TASP1: variants seen among roughly 807,000 people sequenced by gnomAD.
TASP1 encodes the protein threonine aspartase 1.
TASP1 carries 16 observed loss-of-function variants against 56.6 expected under a neutral mutation model. The observed-to-expected ratio is 0.28, with a 90% CI of 0.19 to 0.43. The LOEUF (loss-of-function observed/expected upper bound fraction) is 0.43, where lower values mean the gene tolerates loss of function less well. Among genes scored for constraint, TASP1 ranks in the 20% least tolerant of loss-of-function variants. The pLI is 1.00. For synonymous variants in TASP1, 179 were observed against 184.2 expected (o/e 0.97, Z 0.23); for missense variants, 393 against 511.6 (o/e 0.77, Z 2.24).
chr20:13,311,090 A>C, the TASP1 span, among the ~76,000 whole-genome samples: 4 of 152,118 alleles, frequency 2.6e-5, no homozygotes, highest in Non-Finnish European at 5.9e-5. Flanking sequence ...GCTACTCTGG[A>C]GGCTGAGGTG....
the TASP1 span, chr20:13,221,709 C>G: frequency 3.9e-6 from 5 of 1,287,954 alleles, no homozygotes; most frequent in African/African-American, 1.6e-5. Context: ...CCTACTCCTC[C>G]TCCCCCGGCG....
chr20:13,390,373 C>A lies in TASP1; in HGVS notation c.1250G>T (p.Ser417Ile), dbSNP rs776409638. 38 of 1,613,942 alleles carry A rather than the reference C, an allele frequency of 2.4e-5. No homozygotes were observed. Among genetic ancestry groups the A allele is most frequent in the Non-Finnish European group, 2.8e-5 (33 of 1,179,966 alleles). The change falls in exon 14 of 14, where the codon AGC (serine) becomes ATC (isoleucine). Residue 417 changes from serine to isoleucine, a missense_variant. Around this residue, in one of 3 missense-constraint regions of TASP1, gnomAD observed 293 missense variants for 354.2 expected, o/e 0.83. Transcript: ENST00000337743. ...AIEGGVCRLE[S>I]PVN Reference sequence around the variant, plus strand: ...CAGCCTGAAGGGTCAGTTCACTGGGCTCTCCAGGCGGCACACCCCACCTTC... The same window carrying A: ...CAGCCTGAAGGGTCAGTTCACTGGGATCTCCAGGCGGCACACCCCACCTTC...
chr20:13,266,943 G>A, the TASP1 span, among the ~76,000 whole-genome samples: 1 of 152,204 alleles, frequency 6.6e-6, no homozygotes, highest in Non-Finnish European at 1.5e-5. Flanking sequence ...AGGATGTGCA[G>A]TAAGTCCCTT....
intron 10 of TASP1, among the ~76,000 whole-genome samples, chr20:13,514,580 A>G (rs2044453478): frequency 6.6e-6 from 1 of 152,138 alleles, no homozygotes; most frequent in African/African-American, 2.4e-5. Context: ...ATGTGCCCCT[A>G]AGTGTACTTG....
chr20:13,282,330 G>A, the TASP1 span, among the ~76,000 whole-genome samples: 1 of 152,190 alleles, frequency 6.6e-6, no homozygotes, highest in Non-Finnish European at 1.5e-5. Context: ...CCTGGAGTCT[G>A]TTGTTTGCAT....
chr20:13,578,887 A>G (rs1356105946), intron 6 of TASP1, among the ~76,000 whole-genome samples: 2 of 151,866 alleles, frequency 1.3e-5, no homozygotes, highest in African/African-American at 4.8e-5. Flanking sequence ...AGTACATCCA[A>G]CTCTTTCATC....
At chr20:13,553,654 A>G (rs930699314) in intron 8 of TASP1, among the ~76,000 whole-genome samples, 2 of 152,238 alleles carry the variant, frequency 1.3e-5, no homozygotes, top group African/African-American at 4.8e-5. Flanking sequence ...TAAAATCTAT[A>G]CATCCTAAAA....
chr20:13,110,149 C>T, the TASP1 span: 9 of 1,613,476 alleles, frequency 5.6e-6, no homozygotes, highest in South Asian at 1.1e-5. Flanking sequence ...GAGATGCTGT[C>T]ATCTATGGCC....
At chr20:13,561,864 C>A (rs1292764984) in intron 7 of TASP1, among the ~76,000 whole-genome samples, 1 of 138,326 alleles carries the variant, frequency 7.2e-6, no homozygotes, top group African/African-American at 2.5e-5. Context: ...TAAATGTAAT[C>A]CCCATTGTAA....
chr20:13,583,715 C>T (rs2047204990), intron 5 of TASP1, among the ~76,000 whole-genome samples: 1 of 152,110 alleles, frequency 6.6e-6, no homozygotes, highest in African/African-American at 2.4e-5. Context: ...AAGCATAGGC[C>T]TCATAACGGT....
At chr20:13,599,553 G>A (rs559643008) in intron 4 of TASP1, among the ~76,000 whole-genome samples, 1 of 152,300 alleles carries the variant, frequency 6.6e-6, no homozygotes, top group Non-Finnish European at 1.5e-5. Context: ...GGGAGGGATA[G>A]CATTAGGAGA....
the TASP1 span, among the ~76,000 whole-genome samples, chr20:13,129,640 CG>C: frequency 3.3e-5 from 5 of 152,288 alleles, no homozygotes; most frequent in Admixed American, 3.3e-4. Context: ...ATATGTCATC[CG>C]AATCAGTTGC....
At chr20:13,330,920 C>T in the TASP1 span, among the ~76,000 whole-genome samples, 1 of 152,026 alleles carries the variant, frequency 6.6e-6, no homozygotes, top group Admixed American at 6.6e-5. Context: ...TGCTAGAGTT[C>T]ATAAATTTTA....
the TASP1 span, among the ~76,000 whole-genome samples, chr20:13,255,331 T>C: frequency 6.6e-6 from 1 of 152,248 alleles, no homozygotes; most frequent in Non-Finnish European, 1.5e-5. Flanking sequence ...GATGTTAACA[T>C]GGCTAATGTA....
chr20:13,340,949 G>A, the TASP1 span, among the ~76,000 whole-genome samples: 2 of 152,166 alleles, frequency 1.3e-5, no homozygotes, highest in Non-Finnish European at 2.9e-5. Context: ...GGAAGTAGCT[G>A]GGGCTTAAAT....
At chr20:13,193,264 T>C in the TASP1 span, among the ~76,000 whole-genome samples, 1 of 152,052 alleles carries the variant, frequency 6.6e-6, no homozygotes, top group African/African-American at 2.4e-5. Context: ...ATATCAATAA[T>C]CACTTAAATC....
the TASP1 span, among the ~76,000 whole-genome samples, chr20:13,210,535 A>G: frequency 6.6e-6 from 1 of 152,082 alleles, no homozygotes; most frequent in Non-Finnish European, 1.5e-5. Flanking sequence ...CAAATTATGT[A>G]CAAATGTCTA....
chr20:13,108,606 G>C, the TASP1 span, among the ~76,000 whole-genome samples: 1 of 152,074 alleles, frequency 6.6e-6, no homozygotes, highest in Admixed American at 6.6e-5. Flanking sequence ...ACAGAGTCTC[G>C]TTCTGTCACC....
intron 10 of TASP1, among the ~76,000 whole-genome samples, chr20:13,492,469 C>T (rs915352790): frequency 6.6e-6 from 1 of 152,110 alleles, no homozygotes; most frequent in Non-Finnish European, 1.5e-5. Context: ...GGTTTTCAAG[C>T]CTGTCTTGTG....
Sources: allele counts gnomAD v4.1 joint callset (sites outside exome capture counted in the v4.1 genomes callset), GRCh38; gene constraint gnomAD v4.1.1; regional missense constraint gnomAD v4.1.1; transcripts MANE v1.5; gene names NCBI Gene and HGNC (gene_info 2026-07-23, HGNC 2026-07-21).